FOXP2: variants seen among roughly 807,000 people sequenced by gnomAD.
FOXP2 encodes the protein forkhead box P2.
A neutral mutation model predicts 115.8 loss-of-function variants in FOXP2; 12 were observed. The ratio of observed to expected loss-of-function variants is 0.10; its 90% confidence interval spans 0.07 to 0.17. The LOEUF (loss-of-function observed/expected upper bound fraction) is 0.17. Among genes scored for constraint, FOXP2 ranks in the 10% least tolerant of loss-of-function variants. The pLI is 1.00. For synonymous variants in FOXP2, 328 were observed against 297.7 expected (o/e 1.10, Z -1.05); for missense variants, 629 against 843.5 (o/e 0.75, Z 3.15).
In FOXP2 at chr7:114,520,261, C is replaced by A. The variant is rs1798548695; in HGVS notation, c.169-14356C>A. ...ACTATCCACATGGAATCCCTCCCATCCCCTTGGAATTTTCATATTTTTTAA... is the reference window on the plus strand; with the variant it reads ...ACTATCCACATGGAATCCCTCCCATACCCTTGGAATTTTCATATTTTTTAA... On this transcript the variant is annotated intron_variant, in intron 2 of 16. Coordinates refer to ENST00000350908, the MANE Select transcript of FOXP2 (RefSeq NM_014491.4). Among the ~76,000 whole-genome samples the A allele has an allele frequency of 2.6e-5, 4 of 152,076 alleles. No individual in the cohort carries two copies. In the South Asian group the frequency reaches 8.3e-4, roughly 31 times the overall value.
intron 2 of FOXP2, among the ~76,000 whole-genome samples, chr7:114,498,054 C>A (rs1016620146): frequency 6.6e-6 from 1 of 152,082 alleles, no homozygotes; most frequent in Non-Finnish European, 1.5e-5. Context: ...TCTATGATAC[C>A]GAAATGTTTT....
intron 1 of FOXP2, among the ~76,000 whole-genome samples, chr7:114,257,556 C>T (rs572089565): frequency 1.3e-4 from 20 of 148,416 alleles, no homozygotes; most frequent in Admixed American, 2.8e-4. Flanking sequence ...CTGGTTCAGG[C>T]GATTCTCCTG....
chr7:114,426,874 AG>A (rs1793879120), intron 2 of FOXP2, among the ~76,000 whole-genome samples, 195 bp downstream of exon 2: 1 of 151,760 alleles, frequency 6.6e-6, no homozygotes, highest in Non-Finnish European at 1.5e-5. Context: ...CCAGTACCAG[AG>A]TACCCTTCAG....
chr7:114,294,911 TATAC>T lies in FOXP2; in HGVS notation c.-11+6826_-11+6829del, dbSNP rs199913892. ...ACATACATACATGCATGCATGCATA[TATAC>T]ATACATACATACATACATACATAAA... On this transcript the variant is annotated intron_variant, in intron 2 of 17. Transcript: ENST00000634411. 3.6e-3 allele frequency among the ~76,000 whole-genome samples: 545 copies of T among 151,380 alleles called. 2 individuals carry two copies. The highest frequency in any genetic ancestry group is 0.01 in the African/African-American group (428 of 41,122).
intron 2 of FOXP2, among the ~76,000 whole-genome samples, chr7:114,507,098 A>T (rs1035976993): frequency 4.0e-5 from 6 of 151,888 alleles, no homozygotes; most frequent in African/African-American, 1.4e-4. Flanking sequence ...CCAAAGAAAC[A>T]CTATCAGTTG....
chr7:114,644,811 G>C (rs1432073191), intron 8 of FOXP2, 22 bp downstream of exon 8: 1 of 1,577,956 alleles, frequency 6.3e-7, no homozygotes, highest in Non-Finnish European at 8.7e-7. Context: ...ACTTTTTTTT[G>C]GTGGGGGGCG....
chr7:114,637,251 T>TA (rs1309509268), intron 6 of FOXP2, among the ~76,000 whole-genome samples: 1 of 152,190 alleles, frequency 6.6e-6, no homozygotes, highest in Non-Finnish European at 1.5e-5. Context: ...GCTCCTGTGG[T>TA]AAAAACCTTT....
intron 2 of FOXP2, among the ~76,000 whole-genome samples, chr7:114,296,436 T>C (rs1796742724): frequency 6.6e-6 from 1 of 152,156 alleles, no homozygotes; most frequent in Non-Finnish European, 1.5e-5. Flanking sequence ...TTTTATTCAC[T>C]AATCAAGATT....
intron 3 of FOXP2, among the ~76,000 whole-genome samples, chr7:114,548,882 GA>G (rs564573461): frequency 7.2e-5 from 11 of 152,142 alleles, no homozygotes; most frequent in East Asian, 3.9e-4. Flanking sequence ...GAAGGGTGGG[GA>G]AAAAATCATA....
intron 1 of FOXP2, among the ~76,000 whole-genome samples, chr7:114,183,679 A>G (rs1793515464): frequency 6.6e-6 from 1 of 152,180 alleles, no homozygotes; most frequent in Admixed American, 6.6e-5. Context: ...TGAAATGTGT[A>G]TTGTACATGA....
chr7:114,198,529 C>T (rs1383506926), intron 1 of FOXP2, among the ~76,000 whole-genome samples: 1 of 152,124 alleles, frequency 6.6e-6, no homozygotes, highest in East Asian at 1.9e-4. Context: ...ACCTAGATTC[C>T]TCTCATAAGC....
At chr7:114,113,330 A>G (rs1162063592) in intron 1 of FOXP2, among the ~76,000 whole-genome samples, 1 of 152,190 alleles carries the variant, frequency 6.6e-6, no homozygotes, top group South Asian at 2.1e-4. Context: ...CAAATCCTAA[A>G]CAAAAATCAC....
chr7:114,687,663 C>T (rs1307811818), intron 16 of FOXP2, among the ~76,000 whole-genome samples: 1 of 152,084 alleles, frequency 6.6e-6, no homozygotes, highest in Non-Finnish European at 1.5e-5. Context: ...TCATTTGTCT[C>T]TCTTTAATAT....
At chr7:114,322,494 AC>A (rs1797450181) in intron 2 of FOXP2, among the ~76,000 whole-genome samples, 2 of 152,042 alleles carry the variant, frequency 1.3e-5, no homozygotes, top group African/African-American at 4.8e-5. Flanking sequence ...TATAAATAAA[AC>A]AAATACTTAC....
chr7:114,661,488 AT>A (rs1374601743), intron 13 of FOXP2, among the ~76,000 whole-genome samples: 1 of 152,066 alleles, frequency 6.6e-6, no homozygotes, highest in Admixed American at 6.6e-5. Flanking sequence ...TTTAAAAAAA[AT>A]CTAAGTGTGT....
At chr7:114,371,738 A>G (rs928036355) in intron 2 of FOXP2, among the ~76,000 whole-genome samples, 1 of 152,162 alleles carries the variant, frequency 6.6e-6, no homozygotes, top group Non-Finnish European at 1.5e-5. Flanking sequence ...AGTGTCTGGT[A>G]TATAGTAACT....
intron 2 of FOXP2, among the ~76,000 whole-genome samples, chr7:114,404,174 A>G (rs2129197281): frequency 6.6e-6 from 1 of 152,238 alleles, no homozygotes; most frequent in Middle Eastern, 3.4e-3. Context: ...AAGGGGTGTC[A>G]ATATCAAATA....
chr7:114,584,903 C>T (rs1391863795), intron 3 of FOXP2, among the ~76,000 whole-genome samples: 1 of 152,146 alleles, frequency 6.6e-6, no homozygotes, highest in Non-Finnish European at 1.5e-5. Flanking sequence ...ATGAAAAATA[C>T]ACACAAGTGT....
chr7:114,193,207 C>T (rs1436977074), intron 1 of FOXP2, among the ~76,000 whole-genome samples: 2 of 151,972 alleles, frequency 1.3e-5, no homozygotes, highest in East Asian at 3.8e-4. Flanking sequence ...AATTCACAGA[C>T]ATTTATATAG....
Sources: gnomAD v4.1 joint callset for allele counts (sites outside exome capture counted in the v4.1 genomes callset) on GRCh38, gnomAD v4.1.1 for gene constraint, MANE v1.5 for transcripts, NCBI Gene and HGNC (gene_info 2026-07-23, HGNC 2026-07-21) for gene names.